The following GNAL variants were observed in gnomAD, a reference collection of about 807,000 sequenced individuals.
The protein encoded by GNAL is G protein subunit alpha L.
Under a neutral mutation model 55.1 loss-of-function variants are expected in GNAL, and 18 were observed. That is an observed-to-expected ratio of 0.33 (90% CI 0.23 to 0.48). The LOEUF is 0.48. GNAL is among the 20% of genes least tolerant of loss of function. The pLI, the probability that GNAL is intolerant of heterozygous loss-of-function variation, is 0.99. For missense variants in GNAL, 412 were observed against 614.1 expected, an observed-to-expected ratio of 0.67 and a Z score of 3.48; for synonymous variants, 253 against 237.0, an observed-to-expected ratio of 1.07 and a Z score of -0.62.
At chr18:11,730,427 C>T (rs900699306) in intron 1 of GNAL, among the ~76,000 whole-genome samples, 8 of 151,810 alleles carry the variant, frequency 5.3e-5, no homozygotes, top group African/African-American at 1.9e-4. Flanking sequence ...CCCAAAATGC[C>T]GGGATCACAG....
intron 11 of GNAL, among the ~76,000 whole-genome samples, chr18:11,878,821 A>C (rs1598451573): frequency 6.6e-6 from 1 of 151,386 alleles, no homozygotes; most frequent in African/African-American, 2.4e-5. Context: ...TCCTGCCTCC[A>C]CCTCCCAAAG....
intron 4 of GNAL, among the ~76,000 whole-genome samples, chr18:11,769,733 G>A (rs2033574818): frequency 6.6e-6 from 1 of 152,114 alleles, no homozygotes; most frequent in Admixed American, 6.5e-5. Context: ...ACAAATGTTG[G>A]TTGCTTCAGT....
intron 4 of GNAL, among the ~76,000 whole-genome samples, chr18:11,804,994 G>C (rs2034617611): frequency 6.7e-6 from 1 of 149,748 alleles, no homozygotes; most frequent in South Asian, 2.2e-4. Context: ...ACTGTGTAGT[G>C]GTGAAGTACA....
intron 9 of GNAL, among the ~76,000 whole-genome samples, chr18:11,871,932 C>T (rs964803266): frequency 1.3e-5 from 2 of 152,212 alleles, no homozygotes; most frequent in Non-Finnish European, 2.9e-5. Context: ...GGAATAGTTG[C>T]ATTATACTTA....
In GNAL at chr18:11,752,790, A is replaced by C; in HGVS notation, c.377-63A>C. 1 of 1,228,798 alleles carries C rather than the reference A, an allele frequency of 8.1e-7. No homozygotes were observed. The highest frequency in any genetic ancestry group is 1.2e-6 in the Non-Finnish European group (1 of 829,250). 76.1% of individuals were successfully genotyped at this position (1,228,798 alleles called of 1,614,324 possible). A position where few individuals can be genotyped will look rare whatever the true frequency, so the allele number is the denominator to read the frequency against. On this transcript the variant is annotated intron_variant, in intron 1 of 11. Coordinates refer to ENST00000334049, the MANE Select transcript of GNAL (RefSeq NM_182978.4). The surrounding 1 kb of genome is among the most constrained non-coding windows in gnomAD (Gnocchi z 4.5). ...GGAGGAGGATTGCTCAGACCCGGCT[A>C]GTGGTGAGAGATGGCAGCGATATCC...
At chr18:11,786,370 G>T (rs1278450327) in intron 4 of GNAL, among the ~76,000 whole-genome samples, 1 of 145,272 alleles carries the variant, frequency 6.9e-6, no homozygotes, top group Non-Finnish European at 1.5e-5. Context: ...CTGAATGAGA[G>T]ATTTTAGTAA....
intron 9 of GNAL, 104 bp from the exon 10 acceptor site, chr18:11,872,164 T>C: frequency 1.4e-6 from 1 of 708,328 alleles, no homozygotes; most frequent in South Asian, 1.8e-5. Flanking sequence ...CCTATACATT[T>C]TTAGGAAGAC....
intron 5 of GNAL, among the ~76,000 whole-genome samples, chr18:11,840,380 T>C (rs2035586858): frequency 6.6e-6 from 1 of 152,240 alleles, no homozygotes; most frequent in African/African-American, 2.4e-5. Flanking sequence ...TCTTCTAAGA[T>C]AGACAAGACT....
intron 11 of GNAL, among the ~76,000 whole-genome samples, chr18:11,879,903 A>G (rs893156108): frequency 2.0e-5 from 3 of 152,218 alleles, no homozygotes; most frequent in Admixed American, 2.0e-4. Flanking sequence ...CCCTGTGTGG[A>G]GGCCGCCACC....
At chr18:11,768,012 G>A (rs1276503268) in intron 4 of GNAL, among the ~76,000 whole-genome samples, 1 of 152,092 alleles carries the variant, frequency 6.6e-6, no homozygotes, top group East Asian at 1.9e-4. Flanking sequence ...AATTAACAAG[G>A]CTAGACTTAT....
Position 11,752,213 on chromosome 18 carries a change from C to A in GNAL, c.377-640C>A. ...AATTCTCGTGTAAAAAGGCATTTTA[C>A]TCCGCGCGTCTTCCTTACAGCCATT... is the stretch of plus-strand genomic sequence containing the variant. On this transcript the variant is annotated intron_variant, in intron 1 of 11. Transcript: ENST00000334049. This position sits in a 1 kb window ranked among gnomAD's most constrained non-coding sequence, Gnocchi z 4.5. 1 of 808,172 alleles carries A rather than the reference C, an allele frequency of 1.2e-6. No homozygotes were observed. Among genetic ancestry groups the A allele is most frequent in the Non-Finnish European group, 1.7e-6 (1 of 572,874 alleles). The allele number at this position is 808,172 out of a possible 1,614,324, so 50.1% of individuals were successfully genotyped here.
intron 5 of GNAL, among the ~76,000 whole-genome samples, chr18:11,850,869 G>A (rs1420228758): frequency 6.6e-6 from 1 of 152,166 alleles, no homozygotes; most frequent in East Asian, 1.9e-4. Flanking sequence ...CAGAACTCTA[G>A]CACAAATTGT....
intron 4 of GNAL, among the ~76,000 whole-genome samples, chr18:11,821,282 A>G (rs1375449453): frequency 6.6e-6 from 1 of 152,254 alleles, no homozygotes; most frequent in Non-Finnish European, 1.5e-5. Context: ...GTAGAAAACT[A>G]AAGAATAGAA....
chr18:11,752,635 C>A lies in GNAL; in HGVS notation c.377-218C>A. 1 of 1,482,280 alleles carries A rather than the reference C, an allele frequency of 6.7e-7. No homozygotes were observed. The allele number at this position is 1,482,280 out of a possible 1,614,324, so 91.8% of individuals were successfully genotyped here. ...CCCCAGCGGAGCGCACAGCCAGGAG[C>A]GGCGAGCGCCAGGCTGGGCGGGCAG... On this transcript the variant is annotated intron_variant, in intron 1 of 11. Coordinates refer to ENST00000334049, the MANE Select transcript of GNAL (RefSeq NM_182978.4). This position sits in a 1 kb window ranked among gnomAD's most constrained non-coding sequence, Gnocchi z 4.5.
At chr18:11,792,330 C>T (rs761316797) in intron 4 of GNAL, among the ~76,000 whole-genome samples, 2 of 152,112 alleles carry the variant, frequency 1.3e-5, no homozygotes, top group Non-Finnish European at 2.9e-5. Flanking sequence ...GGACTACAGG[C>T]GCACACCACC....
intron 4 of GNAL, among the ~76,000 whole-genome samples, chr18:11,817,511 G>T (rs1462993009): frequency 6.6e-6 from 1 of 152,208 alleles, no homozygotes. Flanking sequence ...CTTGTTGCCT[G>T]TGGCGATCAC....
At chr18:11,717,413 G>T (rs2031998309) in intron 1 of GNAL, among the ~76,000 whole-genome samples, 1 of 152,250 alleles carries the variant, frequency 6.6e-6, no homozygotes, top group Admixed American at 6.5e-5. Context: ...CCAGGCAGAG[G>T]AGGCCCCGAG....
At chr18:11,841,323 T>G (rs1259795142) in intron 5 of GNAL, among the ~76,000 whole-genome samples, 1 of 152,090 alleles carries the variant, frequency 6.6e-6, no homozygotes, top group Non-Finnish European at 1.5e-5. Context: ...TTAATCATGA[T>G]TATTTGAAGA....
intron 4 of GNAL, among the ~76,000 whole-genome samples, chr18:11,823,316 A>AC (rs2143641566): frequency 6.6e-6 from 1 of 152,212 alleles, no homozygotes; most frequent in South Asian, 2.1e-4. Flanking sequence ...AGCTTTAGCC[A>AC]CCCCCTTCAG....
Sources: gnomAD v4.1 joint callset for allele counts (sites outside exome capture counted in the v4.1 genomes callset) on GRCh38, gnomAD v4.1.1 for gene constraint, Gnocchi (gnomAD v3.1) non-coding constraint, MANE v1.5 for transcripts, NCBI Gene and HGNC (gene_info 2026-07-23, HGNC 2026-07-21) for gene names.